The following DLC1 variants were observed in gnomAD, a reference collection of about 807,000 sequenced individuals.
DLC1 encodes the protein DLC1 Rho GTPase activating protein, also known as rho GTPase-activating protein 7.
Under a neutral mutation model 140.3 loss-of-function variants are expected in DLC1, and 54 were observed. The ratio of observed to expected loss-of-function variants is 0.38; its 90% CI spans 0.31 to 0.48. The LOEUF (loss-of-function observed/expected upper bound fraction) is 0.48, where lower values mean the gene tolerates loss of function less well. Among genes scored for constraint, DLC1 ranks in the 20% least tolerant of loss-of-function variants. The pLI is 0.96. For missense variants in DLC1, 2,536 were observed against 1,907.0 expected, an observed-to-expected ratio of 1.33 and a Z score of -6.14; for synonymous variants, 986 against 728.1, an observed-to-expected ratio of 1.35 and a Z score of -5.70.
At chr8:13,108,537 T>C (rs1421292525) in intron 7 of DLC1, among the ~76,000 whole-genome samples, 1 of 152,180 alleles carries the variant, frequency 6.6e-6, no homozygotes, top group East Asian at 1.9e-4. Context: ...GAGGATACTT[T>C]TTTTCCCAGA....
At chr8:13,335,432 G>A (rs1833778029) in intron 4 of DLC1, among the ~76,000 whole-genome samples, 1 of 152,146 alleles carries the variant, frequency 6.6e-6, no homozygotes, top group African/African-American at 2.4e-5. Flanking sequence ...AATATTTGTA[G>A]AGAAATCAAT....
Position 13,312,221 on chromosome 8 carries a change from C to T in DLC1, c.1315-6919G>A, listed in dbSNP as rs1007143190. 2.2e-5 allele frequency among the ~76,000 whole-genome samples: 3 copies of T among 137,952 alleles called. 1 individual carries two copies. The highest frequency in any genetic ancestry group is 4.7e-5 in the Non-Finnish European group (3 of 63,824). The allele number at this position is 137,952 out of a possible 152,430, so 90.5% of individuals were successfully genotyped here. A position where few individuals can be genotyped will look rare whatever the true frequency, so the allele number is the denominator to read the frequency against. ...CTAAAAATACAAAAAATTAGCCGGG[C>T]GTGGTAGCGGGCGCCTGTAGTCCCA... On this transcript the variant is annotated intron_variant, in intron 4 of 17. Transcript: ENST00000276297.
At chr8:13,579,005 C>G (rs977695774) in intron 1 of DLC1, among the ~76,000 whole-genome samples, 1 of 151,654 alleles carries the variant, frequency 6.6e-6, no homozygotes, top group South Asian at 2.1e-4. Context: ...GCTCCCATTC[C>G]GAGGCTATCC....
intron 5 of DLC1, among the ~76,000 whole-genome samples, chr8:13,271,719 A>G (rs148454280): frequency 7.4e-4 from 112 of 152,226 alleles, no homozygotes; most frequent in African/African-American, 2.6e-3. Context: ...AGGTCTTGCT[A>G]TGTCATTCAA....
chr8:13,496,817 TTG>T (rs769429289), intron 2 of DLC1, among the ~76,000 whole-genome samples: 1,133 of 16,128 alleles, frequency 0.07, 155 homozygotes, highest in African/African-American at 0.15. Flanking sequence ...TTTTTTTTTT[TTG>T]AGATGGAGTT....
chr8:13,195,736 A>T (rs1409471587), intron 5 of DLC1, among the ~76,000 whole-genome samples: 1 of 152,194 alleles, frequency 6.6e-6, no homozygotes, highest in African/African-American at 2.4e-5. Flanking sequence ...CCACATTACC[A>T]AGTAACATGC....
chr8:13,420,344 A>G (rs1468669167), intron 2 of DLC1, among the ~76,000 whole-genome samples: 1 of 152,148 alleles, frequency 6.6e-6, no homozygotes, highest in Non-Finnish European at 1.5e-5. Flanking sequence ...GGAAATTGGT[A>G]GAGACTTACG....
At chr8:13,138,461 G>C (rs1822727311) in intron 5 of DLC1, among the ~76,000 whole-genome samples, 1 of 152,184 alleles carries the variant, frequency 6.6e-6, no homozygotes. Flanking sequence ...CTAGTGATAT[G>C]AGCCAGGCAA....
chr8:13,387,491 A>ATT (rs143194731), intron 4 of DLC1, among the ~76,000 whole-genome samples: 3 of 151,228 alleles, frequency 2.0e-5, no homozygotes, highest in Admixed American at 6.6e-5. Context: ...GAATTTCAAG[A>ATT]TTTTTTTTTC....
intron 7 of DLC1, among the ~76,000 whole-genome samples, chr8:13,105,519 C>T (rs187298616): frequency 6.6e-6 from 1 of 151,870 alleles, no homozygotes; most frequent in Non-Finnish European, 1.5e-5. Flanking sequence ...GGTCACAGAT[C>T]TTGTCTAAGT....
At position 13,100,673 on chromosome 8, in the gene DLC1, A is replaced by G. The variant is rs538334326; in HGVS notation, c.1664T>C (p.Val555Ala). The change falls in exon 9 of 18, where the codon GTC becomes GCC. Residue 555 changes from valine (V) to alanine (A), a missense_variant. Coordinates refer to ENST00000276297, the MANE Select transcript of DLC1 (RefSeq NM_182643.3). The stretch of plus-strand genomic sequence containing the variant: ...GACCAGGTCTTGTTTTGGAGAAAAG[A>G]CATCAAACTCTTCAAGCCGGGACCA... ...KRWSRLEEFD[V>A]FSPKQDLVPG... 8.1e-5 allele frequency: 130 copies of G among 1,614,048 alleles called. No individual in the cohort carries two copies. In the East Asian group the frequency reaches 2.7e-3, roughly 34 times the overall value.
intron 5 of DLC1, among the ~76,000 whole-genome samples, chr8:13,293,369 G>T (rs942772922): frequency 6.6e-6 from 1 of 152,196 alleles, no homozygotes; most frequent in African/African-American, 2.4e-5. Context: ...AGCTACGATG[G>T]CACTGATTTA....
At chr8:13,299,549 G>C (rs1832098792) in intron 5 of DLC1, among the ~76,000 whole-genome samples, 1 of 147,648 alleles carries the variant, frequency 6.8e-6, no homozygotes, top group Non-Finnish European at 1.5e-5. Context: ...CTATCATCTG[G>C]TGCCAGTTGC....
At chr8:13,169,147 G>A (rs979263156) in intron 5 of DLC1, among the ~76,000 whole-genome samples, 2 of 152,182 alleles carry the variant, frequency 1.3e-5, no homozygotes, top group Admixed American at 6.5e-5. Context: ...CTACTATGTA[G>A]CTCAAGGTTA....
chr8:13,555,408 G>C (rs1231155103), intron 1 of DLC1, among the ~76,000 whole-genome samples: 1 of 152,106 alleles, frequency 6.6e-6, no homozygotes, highest in Non-Finnish European at 1.5e-5. Flanking sequence ...CAGGATAATG[G>C]ACACGTTTGT....
chr8:13,339,203 T>C (rs1446295097), intron 4 of DLC1, among the ~76,000 whole-genome samples: 2 of 152,162 alleles, frequency 1.3e-5, no homozygotes, highest in Non-Finnish European at 2.9e-5. Flanking sequence ...ATGATGCACG[T>C]AAGAAAAAAT....
intron 4 of DLC1, among the ~76,000 whole-genome samples, chr8:13,381,639 G>C (rs949502936): frequency 6.6e-6 from 1 of 152,172 alleles, no homozygotes; most frequent in Non-Finnish European, 1.5e-5. Context: ...AGATGGAGAG[G>C]AGCCAGTTTG....
intron 5 of DLC1, among the ~76,000 whole-genome samples, chr8:13,247,251 ATTACTATCTGCTT>A (rs1390252564): frequency 6.6e-6 from 1 of 152,210 alleles, no homozygotes; most frequent in Non-Finnish European, 1.5e-5. Context: ...ACTGCCAGAC[ATTACTATCTGCTT>A]GTGCAATTTG....
chr8:13,253,570 T>A (rs1439998604), intron 5 of DLC1, among the ~76,000 whole-genome samples: 1 of 152,214 alleles, frequency 6.6e-6, no homozygotes, highest in African/African-American at 2.4e-5. Flanking sequence ...TTGATTTTAT[T>A]CCTTTTTCTG....
Sources: gnomAD v4.1 joint callset for allele counts (sites outside exome capture counted in the v4.1 genomes callset) on GRCh38, gnomAD v4.1.1 for gene constraint, MANE v1.5 for transcripts, NCBI Gene and HGNC (gene_info 2026-07-23, HGNC 2026-07-21) for gene names.